Variants in RNF111 observed in about 807,000 individuals in gnomAD.
The protein encoded by RNF111 is ring finger protein 111.
Under a neutral mutation model 95.1 loss-of-function variants are expected in RNF111, and 17 were observed. That is an observed-to-expected ratio of 0.18 (90% CI 0.12 to 0.27). The LOEUF (loss-of-function observed/expected upper bound fraction) is 0.27, where lower values mean the gene tolerates loss of function less well. RNF111 is among the 10% of genes least tolerant of loss of function. The pLI, the probability that RNF111 is intolerant of heterozygous loss-of-function variation, is 1.00. For synonymous variants in RNF111, 440 were observed against 414.8 expected, an observed-to-expected ratio of 1.06 and a Z score of -0.74; for missense variants, 1,189 against 1,210.4, an observed-to-expected ratio of 0.98 and a Z score of 0.26.
In RNF111 at chr15:59,046,762, CTA is replaced by C. The variant is rs564640918; in HGVS notation, c.881-5541_881-5540del. ...AGAGACTTTCGTGCTTCAAAAGACA[CTA>C]TTAAGAAAATGAAAAGGCATGTCAC... On this transcript the variant is annotated intron_variant, in intron 2 of 13. Coordinates refer to ENST00000348370, the MANE Select transcript of RNF111 (RefSeq NM_017610.8). 4.2e-4 allele frequency among the ~76,000 whole-genome samples: 64 copies of C among 152,204 alleles called. 3 individuals carry two copies. The Middle Eastern group carries it at 0.01, about 24-fold the overall frequency.
intron 1 of RNF111, among the ~76,000 whole-genome samples, chr15:59,030,352 T>C (rs1176783024): frequency 6.6e-6 from 1 of 152,196 alleles, no homozygotes; most frequent in Non-Finnish European, 1.5e-5. Context: ...AGTAACCATC[T>C]AGATGTACAG....
intron 1 of RNF111, among the ~76,000 whole-genome samples, chr15:59,023,322 A>T (rs544266076): frequency 6.6e-6 from 1 of 152,322 alleles, no homozygotes; most frequent in African/African-American, 2.4e-5. Context: ...TTATTTTGGC[A>T]TGAAATTGAA....
intron 1 of RNF111, among the ~76,000 whole-genome samples, chr15:58,990,147 A>G (rs889668528): frequency 1.6e-4 from 25 of 152,308 alleles, no homozygotes; most frequent in South Asian, 1.4e-3. Flanking sequence ...TAGATCTCCG[A>G]GTTTATTGTT....
At chr15:59,048,284 G>T (rs1455954300) in intron 2 of RNF111, among the ~76,000 whole-genome samples, 1 of 152,168 alleles carries the variant, frequency 6.6e-6, no homozygotes, top group African/African-American at 2.4e-5. Flanking sequence ...AAAAAAGTAT[G>T]AATATTGATA....
chr15:59,014,384 C>T (rs2039970700), intron 1 of RNF111, among the ~76,000 whole-genome samples: 2 of 152,194 alleles, frequency 1.3e-5, no homozygotes, highest in Admixed American at 1.3e-4. Context: ...TTTGACTCCT[C>T]AGTTCCTATG....
chr15:59,028,765 A>G (rs757472439), intron 1 of RNF111, among the ~76,000 whole-genome samples: 11 of 134,606 alleles, frequency 8.2e-5, no homozygotes, highest in Non-Finnish European at 1.4e-4. Flanking sequence ...TAGGTCACAT[A>G]GCAATTTTGT....
intron 1 of RNF111, among the ~76,000 whole-genome samples, chr15:59,005,698 T>C (rs1246103997): frequency 1.3e-5 from 2 of 152,070 alleles, no homozygotes; most frequent in Non-Finnish European, 2.9e-5. Flanking sequence ...TATATGTATA[T>C]GTGGTGATCG....
chr15:59,031,495 A>G lies in RNF111; in HGVS notation c.673A>G (p.Thr225Ala). The change falls in exon 2 of 14, where the codon ACA (threonine) becomes GCA (alanine). Residue 225 changes from threonine to alanine, a missense_variant. By Grantham distance (58) the Thr-to-Ala change is moderately conservative. This residue lies in a region of RNF111 where 1,024 missense variants were observed against 925.9 expected (regional missense o/e 1.11). Transcript: ENST00000348370. ...TGTAAAAAATAATTCCTCACAGAGGACACAGAAACAAAAAGAGAGGATATT... is the reference window on the plus strand; with the variant it reads ...TGTAAAAAATAATTCCTCACAGAGGGCACAGAAACAAAAAGAGAGGATATT... ...RFVKNNSSQR[T>A]QKQKERILMQ... 2 of 1,614,220 alleles carry G rather than the reference A, an allele frequency of 1.2e-6. No individual in the cohort carries two copies. The highest frequency in any genetic ancestry group is 1.6e-4 in the Middle Eastern group (1 of 6,062).
chr15:59,064,701 T>C (rs542149530), intron 5 of RNF111, among the ~76,000 whole-genome samples: 1 of 152,138 alleles, frequency 6.6e-6, no homozygotes, highest in African/African-American at 2.4e-5. Flanking sequence ...TAAGAACCTT[T>C]ACAAAAGGGT....
At chr15:59,060,342 C>G (rs937711217) in intron 5 of RNF111, among the ~76,000 whole-genome samples, 3 of 151,854 alleles carry the variant, frequency 2.0e-5, no homozygotes, top group Admixed American at 2.0e-4. Flanking sequence ...GTGAGACTCA[C>G]ACCTGTAATC....
chr15:59,010,139 C>T (rs139491637), intron 1 of RNF111, among the ~76,000 whole-genome samples: 245 of 152,150 alleles, frequency 1.6e-3, no homozygotes, highest in African/African-American at 5.4e-3. Context: ...TACATGTTAT[C>T]GGCAAATTTT....
Position 59,030,828 on chromosome 15 carries a change from T to C in RNF111, c.6T>C (p.Ser2=). 6.3e-7 allele frequency: 1 copy of C among 1,581,802 alleles called. No homozygotes were observed. Among genetic ancestry groups the C allele is most frequent in the Non-Finnish European group, 8.6e-7 (1 of 1,163,662 alleles). M[S]QWTPEYNELY... ...GGCTTTCCTTAAAGTTTCCCATGTC[T>C]CAATGGACTCCTGAATATAACGAGC... Residue 2 remains serine (S), a synonymous_variant, in exon 2 of 14, where the codon TCT becomes TCC. Coordinates refer to ENST00000348370, the MANE Select transcript of RNF111 (RefSeq NM_017610.8).
chr15:59,056,674 GTA>G (rs2042211966), intron 4 of RNF111, among the ~76,000 whole-genome samples: 1 of 152,116 alleles, frequency 6.6e-6, no homozygotes, highest in African/African-American at 2.4e-5. Context: ...AACTTTCAGA[GTA>G]TCAGTACCCA....
chr15:59,094,661 T>A, intron 13 of RNF111, 122 bp from the exon 14 acceptor site: 1 of 622,828 alleles, frequency 1.6e-6, no homozygotes, highest in Non-Finnish European at 2.9e-6. Flanking sequence ...ATGTGTTTTT[T>A]ATAGAAGAGG....
In RNF111 at chr15:59,066,969, A is replaced by T; in HGVS notation, c.1572A>T (p.Pro524=). The change falls in exon 6 of 14, where the codon CCA becomes CCT. Residue 524 remains proline, a synonymous_variant. Transcript: ENST00000348370. ...ACCACCACCACCATACTCCCCACCCAGCTGTCCCAGTTTCTCCTTCCTTTA... is the reference window on the plus strand; with the variant it reads ...ACCACCACCACCATACTCCCCACCCTGCTGTCCCAGTTTCTCCTTCCTTTA... ...HHHHHHHTPH[P]AVPVSPSFSD... The T allele has an allele frequency of 6.2e-7, 1 of 1,614,030 alleles. No individual in the cohort carries two copies. The highest frequency in any genetic ancestry group is 8.5e-7 in the Non-Finnish European group (1 of 1,180,008).
chr15:59,071,298 CAAAAAAAAA>C (rs35775103), intron 6 of RNF111, among the ~76,000 whole-genome samples: 217 of 95,038 alleles, frequency 2.3e-3, no homozygotes, highest in African/African-American at 8.1e-3. Context: ...GACTCCATCT[CAAAAAAAAA>C]AAAAAAAAAA....
chr15:59,040,504 G>A lies in RNF111; in HGVS notation c.880+8802G>A, dbSNP rs565096121. 1.3e-3 allele frequency among the ~76,000 whole-genome samples: 195 copies of A among 152,216 alleles called. 3 individuals carry two copies. In the Middle Eastern group the frequency reaches 0.02, roughly 16 times the overall value. ...AGAAAAAAATAAATCTTTAATTTAA[G>A]TGAATATTTCCACTGCAAGTTTAGG... On this transcript the variant is annotated intron_variant, in intron 2 of 13. Transcript: ENST00000348370.
At chr15:59,058,814 A>G (rs1461885065) in intron 5 of RNF111, 1 of 390,708 alleles carries the variant, frequency 2.6e-6, no homozygotes, top group African/African-American at 2.0e-5. Context: ...AGCATGAGCA[A>G]CAAAAGCAAA....
At chr15:58,989,556 G>C (rs2038719982) in intron 1 of RNF111, among the ~76,000 whole-genome samples, 1 of 152,104 alleles carries the variant, frequency 6.6e-6, no homozygotes, top group African/African-American at 2.4e-5. Context: ...ACTTTTGTTT[G>C]GTGTCTGTTG....
Sources: allele counts gnomAD v4.1 joint callset (sites outside exome capture counted in the v4.1 genomes callset), GRCh38; gene constraint gnomAD v4.1.1; regional missense constraint gnomAD v4.1.1; transcripts MANE v1.5; gene names NCBI Gene and HGNC (gene_info 2026-07-23, HGNC 2026-07-21).